The following FAM3A variants were observed in gnomAD, a reference collection of about 807,000 sequenced individuals.
FAM3A encodes the protein protein FAM3A.
In FAM3A, 5 loss-of-function variants were observed where a neutral mutation model predicts 18.1. The ratio of observed to expected loss-of-function variants is 0.28; its 90% CI spans 0.14 to 0.58. The LOEUF (loss-of-function observed/expected upper bound fraction) is 0.58. FAM3A is among the 20% of genes least tolerant of loss of function. FAM3A has a pLI of 0.91. For synonymous variants in FAM3A, 108 were observed against 90.2 expected (o/e 1.20, Z -1.12); for missense variants, 154 against 216.6 (o/e 0.71, Z 1.81).
Position 154,508,361 on chromosome X carries a change from G to A in FAM3A, c.276-14C>T. ...CTGCTCATCAGCCTAGTTGGGGGGG[G>A]GTGGGGGGGACGGGGAGATCCCACA... On this transcript the variant is annotated splice_polypyrimidine_tract_variant and intron_variant, in intron 4 of 8. Transcript: ENST00000447601. 2.6e-6 allele frequency: 1 copy of A among 385,418 alleles called. No homozygotes were observed. The highest frequency in any genetic ancestry group is 6.5e-5 in the East Asian group (1 of 15,398). 31.8% of individuals were successfully genotyped at this position (385,418 alleles called of 1,213,427 possible).
intron 6 of FAM3A, 74 bp from the exon 7 acceptor site, chrX:154,507,564 A>G: frequency 9.5e-7 from 1 of 1,051,011 alleles, no homozygotes; most frequent in Non-Finnish European, 1.3e-6. Context: ...CGTTCTCCAA[A>G]CAAGGAAACA....
At chrX:154,512,304 T>C (rs1464213173) in intron 2 of FAM3A, 6 of 252,211 alleles carry the variant, frequency 2.4e-5, no homozygotes, top group Non-Finnish European at 4.2e-5. Flanking sequence ...CCGGGTTTGG[T>C]GGTGCGCACC....
At chrX:154,512,248 T>C (rs6643673) in intron 2 of FAM3A, 1 of 87,150 alleles carries the variant, frequency 1.1e-5, no homozygotes, top group Admixed American at 1.9e-4. Context: ...ATAATAATAA[T>C]AATAATAATA....
intron 3 of FAM3A, chrX:154,511,291 A>T (rs1312221936): frequency 1.8e-5 from 2 of 112,243 alleles, no homozygotes; most frequent in Non-Finnish European, 3.7e-5. Context: ...AGATGGGGTT[A>T]TCTAGGAAGC....
chrX:154,515,639 C>T, intron 1 of FAM3A, 121 bp downstream of exon 1: 1 of 785,244 alleles, frequency 1.3e-6, no homozygotes, highest in African/African-American at 2.0e-5. Flanking sequence ...GCAGAGTCCT[C>T]CATTTCCAAA....
chrX:154,506,545 G>A lies in FAM3A; in HGVS notation c.*266C>T, dbSNP rs1243927372. On this transcript the variant is annotated 3_prime_UTR_variant, in exon 9 of 9. Coordinates refer to ENST00000447601, the MANE Select transcript of FAM3A (RefSeq NM_021806.4). ...GAGGAATGGAGGACAGGGCTAGATGGGCTGACCGGGGGGAACAGTGTTACG... is the reference window on the plus strand; with the variant it reads ...GAGGAATGGAGGACAGGGCTAGATGAGCTGACCGGGGGGAACAGTGTTACG... 5.3e-6 allele frequency: 2 copies of A among 374,182 alleles called. No homozygotes were observed. Among genetic ancestry groups the A allele is most frequent in the African/African-American group, 2.6e-5 (1 of 39,023 alleles). 30.8% of individuals were successfully genotyped at this position (374,182 alleles called of 1,213,427 possible).
intron 5 of FAM3A, 134 bp downstream of exon 5, chrX:154,508,155 G>C: frequency 8.1e-6 from 4 of 496,545 alleles, no homozygotes; most frequent in Non-Finnish European, 1.3e-5. Flanking sequence ...GGAGCCTTGC[G>C]CTTGCACAGA....
chrX:154,508,584 C>A lies in FAM3A; in HGVS notation c.165G>T (p.Arg55Ser). 8.4e-7 allele frequency: 1 copy of A among 1,193,494 alleles called. No individual in the cohort carries two copies. Among genetic ancestry groups the A allele is most frequent in the Non-Finnish European group, 1.1e-6 (1 of 886,036 alleles). ...GCTGGGGCAGGCCACACTTGTACTT[C>A]CTGGCCCGTGGCGCTGGGCAGGGAT... is the stretch of plus-strand genomic sequence containing the variant. ...ESSVTAAPRA[R>S]KYKCGLPQPC... The change falls in exon 4 of 9, where the codon AGG becomes AGT. Residue 55 changes from arginine (R) to serine (S), a missense_variant. Arg to Ser is a moderately radical substitution (Grantham distance 110). Transcript: ENST00000447601.
Position 154,506,948 on chromosome X carries a change from G to A in FAM3A, c.598-42C>T, listed in dbSNP as rs782010992. The A allele has an allele frequency of 5.5e-6, 6 of 1,086,879 alleles. No homozygotes were observed. The South Asian group carries it at 9.5e-5, about 17-fold the overall frequency. 89.6% of individuals were successfully genotyped at this position (1,086,879 alleles called of 1,213,427 possible). The stretch of plus-strand genomic sequence containing the variant: ...AGAAAGTCATGACTTTGGCCCTCAG[G>A]GACAGGGGACAGGAGTGGACCAGGA... On this transcript the variant is annotated intron_variant, in intron 8 of 8. Transcript: ENST00000447601.
In FAM3A at chrX:154,507,463, C is replaced by T. The variant is rs1304380131; in HGVS notation, c.413G>A (p.Arg138Gln). ...GDVNDLLKFIRPLHEGTLVFV... is the reference protein window; with the variant it reads ...GDVNDLLKFIQPLHEGTLVFV... ...CACCAGGGTGCCTTCGTGCAGTGGC[C>T]GAATAAACTTCAACAGGTCGTTGAC... The change falls in exon 7 of 9, where the codon CGG becomes CAG. Residue 138 changes from arginine to glutamine, a missense_variant. Arg to Gln is a conservative substitution (Grantham distance 43). Coordinates refer to ENST00000447601, the MANE Select transcript of FAM3A (RefSeq NM_021806.4). 2.5e-6 allele frequency: 3 copies of T among 1,210,808 alleles called. No homozygotes were observed. The highest frequency in any genetic ancestry group is 2.2e-6 in the Non-Finnish European group (2 of 895,383).
chrX:154,508,173 C>T, intron 5 of FAM3A, 116 bp downstream of exon 5: 1 of 576,161 alleles, frequency 1.7e-6, no homozygotes, highest in Non-Finnish European at 2.6e-6. Flanking sequence ...AGACTCCTTC[C>T]CAGGCCTCCC....
chrX:154,508,370 G>GCCCCCCCCCCCCCCCCC, intron 4 of FAM3A, 23 bp from the exon 5 acceptor site: 3 of 316,862 alleles, frequency 9.5e-6, no homozygotes, highest in Middle Eastern at 5.4e-4. Flanking sequence ...GGGTGGGGGG[G>GCCCCCCCCCCCCCCCCC]ACGGGGAGAT....
chrX:154,507,396 A>G lies in FAM3A; in HGVS notation c.470+10T>C, dbSNP rs782378901. 2.5e-6 allele frequency: 3 copies of G among 1,211,575 alleles called. No individual in the cohort carries two copies. The highest frequency in any genetic ancestry group is 1.8e-5 in the South Asian group (1 of 57,020). On this transcript the variant is annotated intron_variant, in intron 7 of 8. Transcript: ENST00000447601. Reference sequence around the variant, plus strand: ...GGGCAAGGCTGAGGCTGGCCTCCCCAAGCACCTACTTGGTGGCTGGGTCGT... The same window carrying G: ...GGGCAAGGCTGAGGCTGGCCTCCCCGAGCACCTACTTGGTGGCTGGGTCGT...
Position 154,512,803 on chromosome X carries a change from AG to A in FAM3A, c.127+19del, listed in dbSNP as rs782180409. 2.7e-4 allele frequency: 306 copies of A among 1,149,364 alleles called. No homozygotes were observed. Among genetic ancestry groups the A allele is most frequent in the Non-Finnish European group, 3.4e-4 (286 of 840,802 alleles). The allele number at this position is 1,149,364 out of a possible 1,213,427, so 94.7% of individuals were successfully genotyped here. A position where few individuals can be genotyped will look rare whatever the true frequency, so the allele number is the denominator to read the frequency against. On this transcript the variant is annotated intron_variant, in intron 2 of 8. Transcript: ENST00000447601. ...CCTTGGTGGCCTCCAGAGAAGGATA[AG>A]GCGGGGTCCCACACTCACTGGTGAA...
Position 154,507,263 on chromosome X carries a change from G to A in FAM3A, c.537C>T (p.Phe179=). ...LGSRNAKELA[F]RDSWVFVGAK... ...CCCCGACAAACACCCAGCTGTCCCG[G>A]AAGGCCAGCTCCTTGGCGTTCCTGC... Residue 179 remains phenylalanine, a synonymous_variant, in exon 8 of 9, where the codon TTC becomes TTT. Transcript: ENST00000447601. The A allele has an allele frequency of 8.3e-7, 1 of 1,211,094 alleles. No homozygotes were observed. The highest frequency in any genetic ancestry group is 1.1e-6 in the Non-Finnish European group (1 of 895,058).
At chrX:154,512,257 TAATAATAATAAGAAG>T (rs1308626794) in intron 2 of FAM3A, 2 of 158,392 alleles carry the variant, frequency 1.3e-5, no homozygotes, top group African/African-American at 6.6e-5. Flanking sequence ...ATAATAATAA[TAATAATAATAAGAAG>T]AAGAAGAAGA....
Position 154,506,475 on chromosome X carries a change from C to T in FAM3A, c.*336G>A. The T allele has an allele frequency of 3.9e-6, 1 of 257,377 alleles. No homozygotes were observed. The highest frequency in any genetic ancestry group is 7.1e-6 in the Non-Finnish European group (1 of 140,172). 21.2% of individuals were successfully genotyped at this position (257,377 alleles called of 1,213,427 possible). ...CCAGAGATGCACAGTGAGGGGCAGGCACCCAGGGCCGTTCCAGGACTCAAG... is the reference window on the plus strand; with the variant it reads ...CCAGAGATGCACAGTGAGGGGCAGGTACCCAGGGCCGTTCCAGGACTCAAG... On this transcript the variant is annotated 3_prime_UTR_variant, in exon 9 of 9. Transcript: ENST00000447601.
At position 154,512,269 on chromosome X, in the gene FAM3A, G is replaced by T. The variant is rs183753930; in HGVS notation, c.128-398C>A. 219 of 228,575 alleles carry T rather than the reference G, an allele frequency of 9.6e-4. 2 individuals are homozygous for T. Among genetic ancestry groups the T allele is most frequent in the East Asian group, 2.8e-3 (19 of 6,715 alleles). The allele number at this position is 228,575 out of a possible 1,213,427, so 18.8% of individuals were successfully genotyped here. A position where few individuals can be genotyped will look rare whatever the true frequency, so the allele number is the denominator to read the frequency against. ...ATAATAATAATAATAATAATAATAAGAAGAAGAAGAAGAAGAAGAAGAAGC... is the reference window on the plus strand; with the variant it reads ...ATAATAATAATAATAATAATAATAATAAGAAGAAGAAGAAGAAGAAGAAGC... On this transcript the variant is annotated intron_variant, in intron 2 of 8. Transcript: ENST00000447601.
Position 154,506,912 on chromosome X carries a change from G to T in FAM3A, c.598-6C>A, listed in dbSNP as rs782360723. ...TGCTTACTGTTCTTCACGTGCTGTG[G>T]GGAGGGGAGCAGAAAGTCATGACTT... On this transcript the variant is annotated splice_region_variant and splice_polypyrimidine_tract_variant and intron_variant, in intron 8 of 8. Transcript: ENST00000447601. 1.7e-6 allele frequency: 2 copies of T among 1,201,121 alleles called. No individual in the cohort carries two copies.
Sources: allele counts gnomAD v4.1 joint callset, GRCh38; gene constraint gnomAD v4.1.1; transcripts MANE v1.5; gene names NCBI Gene and HGNC (gene_info 2026-07-23, HGNC 2026-07-21).